The following AFF2 variants were observed in gnomAD, a reference collection of about 807,000 sequenced individuals.
AFF2 encodes ALF transcription elongation factor 2.
Under a neutral mutation model 76.9 loss-of-function variants are expected in AFF2, and 14 were observed. That is an observed-to-expected ratio of 0.18 (90% CI 0.12 to 0.28). The LOEUF is 0.28. Ranked by LOEUF, AFF2 falls within the 10% of genes least tolerant of loss-of-function variation. The pLI is 1.00. For synonymous variants in AFF2, 398 were observed against 366.7 expected, an observed-to-expected ratio of 1.09 and a Z score of -0.98; for missense variants, 868 against 1,001.1, an observed-to-expected ratio of 0.87 and a Z score of 1.79.
At chrX:148,737,504 A>G (rs1557265210) in intron 3 of AFF2, among the ~76,000 whole-genome samples, 1 of 111,894 alleles carries the variant, frequency 8.9e-6, no homozygotes, top group African/African-American at 3.2e-5. Context: ...TATCAGTTCA[A>G]GGAGCTTTCT....
chrX:148,765,109 C>T (rs980722959), intron 3 of AFF2, among the ~76,000 whole-genome samples: 2 of 111,905 alleles, frequency 1.8e-5, no homozygotes, highest in East Asian at 2.8e-4. Flanking sequence ...TGGCCAACAA[C>T]TCCTGGGCCC....
Position 148,958,369 on chromosome X carries a change from G to A in AFF2, c.2601G>A (p.Lys867=), listed in dbSNP as rs185675988. The A allele has an allele frequency of 1.7e-5, 20 of 1,209,493 alleles. No individual in the cohort carries two copies. The highest frequency in any genetic ancestry group is 2.2e-5 in the Non-Finnish European group (20 of 894,915). The change falls in exon 12 of 21, where the codon AAG becomes AAA. Residue 867 remains lysine (K), a synonymous_variant. Coordinates refer to ENST00000370460, the MANE Select transcript of AFF2 (RefSeq NM_002025.4). ...AAGTTGCAGAGAAGATCCCTGAGAA[G>A]AAGCAGCGCCTGGAGGAGGCCACAA... ...PIEVAEKIPE[K]KQRLEEATTI...
At chrX:148,912,224 A>G (rs1406512743) in intron 9 of AFF2, among the ~76,000 whole-genome samples, 1 of 112,249 alleles carries the variant, frequency 8.9e-6, no homozygotes, top group Admixed American at 9.4e-5. Context: ...TTACATAGGT[A>G]TACGTGTGCC....
At chrX:148,928,901 A>C (rs1474782554) in intron 9 of AFF2, among the ~76,000 whole-genome samples, 1 of 112,188 alleles carries the variant, frequency 8.9e-6, no homozygotes, top group Non-Finnish European at 1.9e-5. Flanking sequence ...GAGAAAAGTT[A>C]ATTACTAGTA....
chrX:148,513,518 C>T (rs1231290593), intron 1 of AFF2, among the ~76,000 whole-genome samples: 3 of 111,393 alleles, frequency 2.7e-5, no homozygotes, highest in Non-Finnish European at 5.6e-5. Context: ...CACTTGCACA[C>T]CAAAATTAGA....
intron 1 of AFF2, among the ~76,000 whole-genome samples, chrX:148,645,316 A>G (rs974512765): frequency 8.9e-6 from 1 of 112,275 alleles, no homozygotes; most frequent in Non-Finnish European, 1.9e-5. Flanking sequence ...TGTAACCTTT[A>G]CACTAACCAT....
intron 6 of AFF2, among the ~76,000 whole-genome samples, 163 bp from the exon 7 acceptor site, chrX:148,843,219 C>A (rs2070622164): frequency 9.2e-6 from 1 of 109,037 alleles, no homozygotes; most frequent in South Asian, 4.0e-4. Flanking sequence ...GACTTCCAGT[C>A]CCGTGATATA....
rs782652745 is a variant in AFF2, at chrX:148,508,005, G to A, written c.47+6861G>A. On this transcript the variant is annotated intron_variant, in intron 1 of 20. Transcript: ENST00000370460. Reference sequence around the variant, plus strand: ...CAGCTAATGTTTCAAAGTAATCTTCGATTTGGTTCTTCAGTAGGTACGTTC... The same window carrying A: ...CAGCTAATGTTTCAAAGTAATCTTCAATTTGGTTCTTCAGTAGGTACGTTC... Among the ~76,000 whole-genome samples, 5 of 112,300 alleles carry A rather than the reference G, an allele frequency of 4.5e-5. No homozygotes were observed. The Admixed American group carries it at 4.7e-4, about 11-fold the overall frequency.
intron 4 of AFF2, among the ~76,000 whole-genome samples, chrX:148,818,496 G>A (rs2070292039): frequency 8.9e-6 from 1 of 111,914 alleles, no homozygotes; most frequent in South Asian, 3.7e-4. Context: ...TTCTCCCTAA[G>A]TTAATCTTGG....
chrX:148,762,105 A>G (rs1242702988), intron 3 of AFF2, among the ~76,000 whole-genome samples: 1 of 110,118 alleles, frequency 9.1e-6, no homozygotes, highest in African/African-American at 3.3e-5. Context: ...TTACATGAAT[A>G]AATTTTTTAG....
chrX:148,658,882 G>T (rs2054278398), intron 2 of AFF2, among the ~76,000 whole-genome samples: 1 of 111,991 alleles, frequency 8.9e-6, no homozygotes, highest in Non-Finnish European at 1.9e-5. Context: ...GATATAGACA[G>T]GGTATGAATT....
At chrX:148,961,172 T>C (rs2072104292) in intron 12 of AFF2, among the ~76,000 whole-genome samples, 1 of 111,883 alleles carries the variant, frequency 8.9e-6, no homozygotes, top group South Asian at 3.7e-4. Context: ...GCCCCCAGTT[T>C]CTCCTCAGGC....
At chrX:148,569,597 G>A (rs782373751) in intron 1 of AFF2, among the ~76,000 whole-genome samples, 1 of 111,134 alleles carries the variant, frequency 9.0e-6, no homozygotes, top group African/African-American at 3.3e-5. Context: ...AAGAAATGTG[G>A]AGATTTGCTA....
At position 148,741,064 on chromosome X, in the gene AFF2, A is replaced by G. The variant is rs782219857; in HGVS notation, c.1042-68812A>G. The stretch of plus-strand genomic sequence containing the variant: ...TCTGGTAGAGGTGATGGAGGGTGCA[A>G]TGGACTCTGTGAGGGCCCTTAGCTT... On this transcript the variant is annotated intron_variant, in intron 3 of 20. Transcript: ENST00000370460. 9.0e-5 allele frequency among the ~76,000 whole-genome samples: 10 copies of G among 111,557 alleles called. No homozygotes were observed. In the East Asian group the frequency reaches 1.7e-3, roughly 19 times the overall value.
At chrX:148,773,489 G>T (rs1557268251) in intron 3 of AFF2, among the ~76,000 whole-genome samples, 1 of 109,799 alleles carries the variant, frequency 9.1e-6, no homozygotes, top group Non-Finnish European at 1.9e-5. Context: ...ACAAGCATTT[G>T]TGAAGAGGGT....
At chrX:148,749,850 G>C (rs184321348) in intron 3 of AFF2, among the ~76,000 whole-genome samples, 1 of 111,580 alleles carries the variant, frequency 9.0e-6, no homozygotes, top group East Asian at 2.8e-4. Flanking sequence ...TGAGACATTT[G>C]AGCAAAAAGT....
chrX:148,535,893 C>T (rs782620480), intron 1 of AFF2, among the ~76,000 whole-genome samples: 5 of 112,005 alleles, frequency 4.5e-5, no homozygotes, highest in Non-Finnish European at 7.5e-5. Context: ...TGAATAATTG[C>T]TAGGCTTCTG....
intron 3 of AFF2, among the ~76,000 whole-genome samples, chrX:148,807,231 A>C (rs1249034185): frequency 8.9e-6 from 1 of 111,916 alleles, no homozygotes. Flanking sequence ...AGTAGAGATG[A>C]TATTTTCAGT....
chrX:148,573,899 G>A (rs1557242932), intron 1 of AFF2, among the ~76,000 whole-genome samples: 1 of 111,337 alleles, frequency 9.0e-6, no homozygotes, highest in African/African-American at 3.3e-5. Flanking sequence ...AACTAGAAAT[G>A]TGGGGCAAAT....
Sources: allele counts gnomAD v4.1 joint callset (sites outside exome capture counted in the v4.1 genomes callset), GRCh38; gene constraint gnomAD v4.1.1; transcripts MANE v1.5; gene names NCBI Gene and HGNC (gene_info 2026-07-23, HGNC 2026-07-21).